The following RGS6 variants were observed in gnomAD, a reference collection of about 807,000 sequenced individuals.
RGS6 encodes the protein regulator of G-protein signaling 6.
In RGS6, 30 loss-of-function variants were observed where a neutral mutation model predicts 78.5. The observed-to-expected ratio is 0.38, with a 90% CI of 0.29 to 0.52. The LOEUF is 0.52. Ranked by LOEUF, RGS6 falls within the 20% of genes least tolerant of loss-of-function variation. The pLI is 0.85. For synonymous variants in RGS6, 206 were observed against 206.0 expected (o/e 1.00, Z 0.00); for missense variants, 495 against 609.7 (o/e 0.81, Z 1.98).
At chr14:71,900,581 C>T in the RGS6 span, among the ~76,000 whole-genome samples, 188 of 152,246 alleles carry the variant, frequency 1.2e-3, no homozygotes, top group Non-Finnish European at 1.9e-3. Flanking sequence ...TATGACTACT[C>T]TTGGTGTATT....
chr14:72,542,068 T>C (rs560460329), intron 17 of RGS6, among the ~76,000 whole-genome samples: 16 of 152,166 alleles, frequency 1.1e-4, no homozygotes, highest in African/African-American at 3.9e-4. Flanking sequence ...AAAAGTATCC[T>C]AAGCTCCTGA....
chr14:72,465,713 G>T (rs766649531), intron 6 of RGS6, 45 bp from the exon 7 acceptor site: 1 of 1,406,520 alleles, frequency 7.1e-7, no homozygotes, highest in South Asian at 1.2e-5. Context: ...TAATTCCATT[G>T]TGCTGCTGGT....
intron 2 of RGS6, among the ~76,000 whole-genome samples, chr14:72,307,235 T>C (rs1340048918): frequency 7.6e-6 from 1 of 132,266 alleles, no homozygotes; most frequent in African/African-American, 2.9e-5. Flanking sequence ...TATTGCACAC[T>C]CAATCAACTA....
At chr14:72,405,072 G>GA (rs997582137) in intron 3 of RGS6, among the ~76,000 whole-genome samples, 17 of 151,254 alleles carry the variant, frequency 1.1e-4, no homozygotes, top group East Asian at 1.9e-4. Flanking sequence ...CAGTGTAAGG[G>GA]AAAAAAAAAT....
intron 17 of RGS6, among the ~76,000 whole-genome samples, chr14:72,554,480 A>G (rs887232663): frequency 6.6e-6 from 1 of 152,232 alleles, no homozygotes; most frequent in South Asian, 2.1e-4. Context: ...CTTGTTGCCA[A>G]TAGCAACACA....
chr14:71,875,751 A>G, the RGS6 span, among the ~76,000 whole-genome samples: 1 of 152,116 alleles, frequency 6.6e-6, no homozygotes, highest in African/African-American at 2.4e-5. Flanking sequence ...TGTCAATTTT[A>G]GATCTTTCCT....
rs191880779 is a variant in RGS6 at position 72,021,228 on chromosome 14, G to A, written c.84+56353G>A. 1.9e-3 allele frequency among the ~76,000 whole-genome samples: 286 copies of A among 152,066 alleles called. 2 individuals are homozygous for A. Among genetic ancestry groups the A allele is most frequent in the African/African-American group, 6.0e-3 (250 of 41,486 alleles). On this transcript the variant is annotated intron_variant, in intron 2 of 17. Transcript: ENST00000553525. ...CAGCAAAATCTTCTTTCCCACAGCC[G>A]TTGTGGATAGGAAGCCTCTGCCTGG...
At chr14:72,249,303 T>C (rs1242201637) in intron 2 of RGS6, among the ~76,000 whole-genome samples, 1 of 152,176 alleles carries the variant, frequency 6.6e-6, no homozygotes, top group East Asian at 1.9e-4. Flanking sequence ...TTATGCAGAT[T>C]TAAGTAATGC....
At chr14:72,052,445 C>T (rs1033814046) in intron 2 of RGS6, among the ~76,000 whole-genome samples, 3 of 152,172 alleles carry the variant, frequency 2.0e-5, no homozygotes, top group African/African-American at 7.2e-5. Context: ...CAAATTAACT[C>T]AGTGAGCAGC....
intron 2 of RGS6, among the ~76,000 whole-genome samples, chr14:72,294,902 C>G (rs564960914): frequency 8.5e-5 from 13 of 152,260 alleles, no homozygotes; most frequent in African/African-American, 3.1e-4. Flanking sequence ...GGACACATAT[C>G]CAAACCATAG....
chr14:72,307,959 A>G (rs998342335), intron 2 of RGS6, among the ~76,000 whole-genome samples: 1 of 152,140 alleles, frequency 6.6e-6, no homozygotes, highest in Non-Finnish European at 1.5e-5. Flanking sequence ...TAGGTATTTA[A>G]ATAGTAGTCT....
intron 17 of RGS6, chr14:72,550,440 C>T (rs1402865409): frequency 6.5e-7 from 1 of 1,531,974 alleles, no homozygotes; most frequent in Non-Finnish European, 8.7e-7. Flanking sequence ...ACATCTGAGC[C>T]CCCGTGCCTA....
chr14:72,361,397 A>G (rs1243527151), intron 3 of RGS6, among the ~76,000 whole-genome samples: 1 of 152,182 alleles, frequency 6.6e-6, no homozygotes, highest in Non-Finnish European at 1.5e-5. Context: ...AGGAACCATG[A>G]AGAGTAGTAA....
rs542896941 is a variant in RGS6, at chr14:71,989,080, A to G, written c.84+24205A>G. Among the ~76,000 whole-genome samples the G allele has an allele frequency of 2.6e-5, 4 of 152,340 alleles. No individual in the cohort carries two copies. In the South Asian group the frequency reaches 6.2e-4, roughly 24 times the overall value. On this transcript the variant is annotated intron_variant, in intron 2 of 17. Coordinates refer to ENST00000553525, the MANE Select transcript of RGS6 (RefSeq NM_001204424.2). Reference sequence around the variant, plus strand: ...GCTGGCTACCTCCATCTCAGATGCAATGTCCAAATGGCTGTCAATTTCTGC... The same window carrying G: ...GCTGGCTACCTCCATCTCAGATGCAGTGTCCAAATGGCTGTCAATTTCTGC...
At position 72,017,778 on chromosome 14, in the gene RGS6, TC is replaced by T. The variant is rs201329089; in HGVS notation, c.84+52904del. On this transcript the variant is annotated intron_variant, in intron 2 of 17. Coordinates refer to ENST00000553525, the MANE Select transcript of RGS6 (RefSeq NM_001204424.2). ...GGGTTAAGAAAATGTCTTTTTTTTT[TC>T]TTCAACTTTTATTTTAAGTTCCAGG... Among the ~76,000 whole-genome samples, 191 of 152,216 alleles carry T rather than the reference TC, an allele frequency of 1.3e-3. 2 individuals are homozygous for T. Among genetic ancestry groups the T allele is most frequent in the Admixed American group, 2.7e-3 (41 of 15,290 alleles).
chr14:72,367,169 C>A (rs2082600055), intron 3 of RGS6, among the ~76,000 whole-genome samples: 1 of 152,160 alleles, frequency 6.6e-6, no homozygotes, highest in African/African-American at 2.4e-5. Flanking sequence ...ATTATAGACT[C>A]TTGGATTGCA....
At chr14:72,087,743 AT>A (rs538271560) in intron 2 of RGS6, among the ~76,000 whole-genome samples, 13 of 152,108 alleles carry the variant, frequency 8.5e-5, no homozygotes, top group Non-Finnish European at 1.5e-4. Context: ...TAAATCATGG[AT>A]TCGCAATTCT....
rs1044846429 is a variant in RGS6, at chr14:72,159,552, C to A, written c.85-192543C>A. On this transcript the variant is annotated intron_variant, in intron 2 of 17. Coordinates refer to ENST00000553525, the MANE Select transcript of RGS6 (RefSeq NM_001204424.2). ...CTTCTTGGCCATTTGATGCTAAAGG[C>A]AGTCTTTGAATGTGATGTTTTCCTA... Among the ~76,000 whole-genome samples the A allele has an allele frequency of 2.0e-5, 3 of 152,182 alleles. 1 individual carries two copies. The highest frequency in any genetic ancestry group is 2.0e-4 in the Admixed American group (3 of 15,286).
intron 2 of RGS6, among the ~76,000 whole-genome samples, chr14:71,999,214 A>C (rs1239373609): frequency 6.6e-6 from 1 of 152,240 alleles, no homozygotes; most frequent in Admixed American, 6.5e-5. Flanking sequence ...AAAACCGGAG[A>C]GCGTCAGTCG....
Sources: allele counts gnomAD v4.1 joint callset (sites outside exome capture counted in the v4.1 genomes callset), GRCh38; gene constraint gnomAD v4.1.1; transcripts MANE v1.5; gene names NCBI Gene and HGNC (gene_info 2026-07-23, HGNC 2026-07-21).